Variants in TLX3 observed in about 807,000 individuals in gnomAD.
TLX3 encodes the protein T cell leukemia homeobox 3, also known as T-cell leukemia homeobox protein 3.
A neutral mutation model predicts 19.6 loss-of-function variants in TLX3; 11 were observed. The observed-to-expected ratio is 0.56, with a 90% CI of 0.35 to 0.93. The LOEUF (loss-of-function observed/expected upper bound fraction) is 0.93, where lower values mean the gene tolerates loss of function less well. Ranked by LOEUF, TLX3 falls within the 40% of genes least tolerant of loss-of-function variation. The probability of loss-of-function intolerance (pLI) is 0.01; values close to 1 mark genes in which losing one functional copy is unlikely to be tolerated. For missense variants in TLX3, 375 were observed against 418.6 expected (o/e 0.90, Z 0.91); for synonymous variants, 221 against 188.1 (o/e 1.17, Z -1.43).
Position 171,311,376 on chromosome 5 carries a change from T to A in TLX3, c.666-13T>A, listed in dbSNP as rs1561843165. On this transcript the variant is annotated splice_polypyrimidine_tract_variant and intron_variant, in intron 2 of 2. Coordinates refer to ENST00000296921, the MANE Select transcript of TLX3 (RefSeq NM_021025.4). The surrounding 1 kb of genome is among the most constrained non-coding windows in gnomAD (Gnocchi z 5.1). ...TGCATGACGGTACTGTCCCTCTCCC[T>A]CCCCCGGTGCAGGCGGCAGACGGCG... 3 of 1,528,998 alleles carry A rather than the reference T, an allele frequency of 2.0e-6. No individual in the cohort carries two copies. The highest frequency in any genetic ancestry group is 1.8e-6 in the Non-Finnish European group (2 of 1,135,078). The allele number at this position is 1,528,998 out of a possible 1,614,324, so 94.7% of individuals were successfully genotyped here. A position where few individuals can be genotyped will look rare whatever the true frequency, so the allele number is the denominator to read the frequency against.
chr5:171,309,562 T>A lies in TLX3; in HGVS notation c.197T>A (p.Leu66His). The change falls in exon 1 of 3, where the codon CTC becomes CAC. Residue 66 changes from leucine (L) to histidine (H), a missense_variant. Leu to His is a moderately conservative substitution (Grantham distance 99, BLOSUM62 -3). Coordinates refer to ENST00000296921, the MANE Select transcript of TLX3 (RefSeq NM_021025.4). ...TCTCTGCCCGCCTCCTTTGCGGGCCTCGGCGCGCCCTTCGAGGACGCGGGA... is the reference window on the plus strand; with the variant it reads ...TCTCTGCCCGCCTCCTTTGCGGGCCACGGCGCGCCCTTCGAGGACGCGGGA... ...YPSLPASFAG[L>H]GAPFEDAGSY... is the part of the protein sequence containing the mutation. 1 of 1,584,366 alleles carries A rather than the reference T, an allele frequency of 6.3e-7. No individual in the cohort carries two copies. The highest frequency in any genetic ancestry group is 8.6e-7 in the Non-Finnish European group (1 of 1,166,642).
Position 171,311,845 on chromosome 5 carries a change from A to C in TLX3, c.*246A>C. On this transcript the variant is annotated 3_prime_UTR_variant, in exon 3 of 3. Transcript: ENST00000296921. This position sits in a 1 kb window ranked among gnomAD's most constrained non-coding sequence, Gnocchi z 5.1. ...CGCCCCAGGCCCGGGCCTGACAAGA[A>C]AGCGCCTTACGTTTCTCCGCCCCCC... The C allele has an allele frequency of 2.0e-4, 64 of 314,420 alleles. No individual in the cohort carries two copies. The highest frequency in any genetic ancestry group is 2.1e-4 in the Non-Finnish European group (36 of 173,778). The allele number at this position is 314,420 out of a possible 1,614,324, so 19.5% of individuals were successfully genotyped here. A position where few individuals can be genotyped will look rare whatever the true frequency, so the allele number is the denominator to read the frequency against.
In TLX3 at chr5:171,309,258, G is replaced by C. The variant is rs1421731715; in HGVS notation, c.-108G>C. ...GAGCCTGTCGGGCCCGCGCACTCTT[G>C]GCAAAGTTTCAGTGCGACGAGAGGC... On this transcript the variant is annotated 5_prime_UTR_variant, in exon 1 of 3. Transcript: ENST00000296921. The C allele has an allele frequency of 4.1e-6, 4 of 975,126 alleles. No homozygotes were observed. Among genetic ancestry groups the C allele is most frequent in the African/African-American group, 1.8e-5 (1 of 57,100 alleles). The allele number at this position is 975,126 out of a possible 1,614,324, so 60.4% of individuals were successfully genotyped here.
Position 171,311,352 on chromosome 5 carries a change from G to A in TLX3, c.666-37G>A. 3 of 1,538,440 alleles carry A rather than the reference G, an allele frequency of 2.0e-6. No homozygotes were observed. Among genetic ancestry groups the A allele is most frequent in the Non-Finnish European group, 2.6e-6 (3 of 1,140,970 alleles). ...CGCCGGCGGCCCCGCGGTGCCGGGT[G>A]CATGACGGTACTGTCCCTCTCCCTC... On this transcript the variant is annotated intron_variant, in intron 2 of 2. Transcript: ENST00000296921. The surrounding 1 kb of genome is among the most constrained non-coding windows in gnomAD (Gnocchi z 5.1).
chr5:171,310,236 C>G lies in TLX3; in HGVS notation c.508C>G (p.Arg170Gly), dbSNP rs1317071111. ...NRTPPKRKKP[R>G]TSFSRVQICE... ...GACGCCGCCCAAGCGTAAGAAGCCGCGCACGTCCTTTTCCCGGGTGCAGAT... is the reference window on the plus strand; with the variant it reads ...GACGCCGCCCAAGCGTAAGAAGCCGGGCACGTCCTTTTCCCGGGTGCAGAT... The change falls in exon 2 of 3, where the codon CGC becomes GGC. Residue 170 changes from arginine to glycine, a missense_variant. By Grantham distance (125) the Arg-to-Gly change is moderately radical. Around this residue, in one of 3 missense-constraint regions of TLX3, gnomAD observed 74 missense variants for 138.6 expected, o/e 0.53. Transcript: ENST00000296921. 6.4e-7 allele frequency: 1 copy of G among 1,561,076 alleles called. No homozygotes were observed. The highest frequency in any genetic ancestry group is 8.7e-7 in the Non-Finnish European group (1 of 1,152,826).
rs759768960 is a variant in TLX3, at chr5:171,309,468, C to A, written c.103C>A (p.Pro35Thr). 2.1e-5 allele frequency: 33 copies of A among 1,595,844 alleles called. No homozygotes were observed. Among genetic ancestry groups the A allele is most frequent in the Non-Finnish European group, 2.5e-5 (29 of 1,172,508 alleles). The change falls in exon 1 of 3, where the codon CCG becomes ACG. Residue 35 changes from proline (P) to threonine (T), a missense_variant. Pro to Thr is a conservative substitution (Grantham distance 38). Transcript: ENST00000296921. ...NSPDQDSAPA[P>T]RGPDGASYLG... is the part of the protein sequence containing the mutation. ...CCCGGACCAGGACAGCGCACCCGCCCCGCGGGGCCCCGACGGCGCCAGCTA... is the reference window on the plus strand; with the variant it reads ...CCCGGACCAGGACAGCGCACCCGCCACGCGGGGCCCCGACGGCGCCAGCTA...
rs766623983 is a variant in TLX3, at chr5:171,309,624, G to A, written c.259G>A (p.Val87Met). The A allele has an allele frequency of 4.4e-6, 7 of 1,607,628 alleles. No individual in the cohort carries two copies. The highest frequency in any genetic ancestry group is 1.7e-5 in the Admixed American group (1 of 59,620). ...SVNLSLAPAG[V>M]IRVPAHRPLP... ...GAACCTGAGCCTAGCGCCCGCAGGCGTGATCCGGGTGCCGGCGCACAGGCC... is the reference window on the plus strand; with the variant it reads ...GAACCTGAGCCTAGCGCCCGCAGGCATGATCCGGGTGCCGGCGCACAGGCC... The change falls in exon 1 of 3, where the codon GTG (valine) becomes ATG (methionine). Residue 87 changes from valine to methionine, a missense_variant. Around this residue, in one of 3 missense-constraint regions of TLX3, gnomAD observed 239 missense variants for 217.0 expected, o/e 1.10. Coordinates refer to ENST00000296921, the MANE Select transcript of TLX3 (RefSeq NM_021025.4).
Position 171,311,560 on chromosome 5 carries a change from G to C in TLX3, c.837G>C (p.Glu279Asp), listed in dbSNP as rs1037068448. 1 of 1,612,942 alleles carries C rather than the reference G, an allele frequency of 6.2e-7. No homozygotes were observed. Among genetic ancestry groups the C allele is most frequent in the Non-Finnish European group, 8.5e-7 (1 of 1,179,592 alleles). ...TGCAGAATCTGCAGCCCTGGGAGGA[G>C]GATAGTTCCAAGGTTCCCGCTGTCA... The part of the protein sequence containing the change: ...FALQNLQPWE[E>D]DSSKVPAVTS... Residue 279 changes from glutamate (E) to aspartate (D), a missense_variant, in exon 3 of 3, where the codon GAG becomes GAC. Transcript: ENST00000296921. The surrounding 1 kb of genome is among the most constrained non-coding windows in gnomAD (Gnocchi z 5.1).
In TLX3 at chr5:171,309,315, G is replaced by A. The variant is rs1027380307; in HGVS notation, c.-51G>A. 1.1e-5 allele frequency: 16 copies of A among 1,432,358 alleles called. No homozygotes were observed. The African/African-American group carries it at 1.5e-4, about 13-fold the overall frequency. The allele number at this position is 1,432,358 out of a possible 1,614,324, so 88.7% of individuals were successfully genotyped here. A position where few individuals can be genotyped will look rare whatever the true frequency, so the allele number is the denominator to read the frequency against. On this transcript the variant is annotated 5_prime_UTR_variant, in exon 1 of 3. Coordinates refer to ENST00000296921, the MANE Select transcript of TLX3 (RefSeq NM_021025.4). Reference sequence around the variant, plus strand: ...CGCTCCATGGCCGCGCCGTAACGGGGACCCAGCCGCCTCCCCGCCCAGCCC... The same window carrying A: ...CGCTCCATGGCCGCGCCGTAACGGGAACCCAGCCGCCTCCCCGCCCAGCCC...
At chr5:171,310,461 C>G in intron 2 of TLX3, 68 bp downstream of exon 2, 1 of 1,572,584 alleles carries the variant, frequency 6.4e-7, no homozygotes, top group East Asian at 2.3e-5. Flanking sequence ...GCCGCAGCCT[C>G]GCACTAGCCC....
In TLX3 at chr5:171,309,714, G is replaced by T; in HGVS notation, c.349G>T (p.Val117Phe). 1.9e-6 allele frequency: 3 copies of T among 1,611,416 alleles called. No individual in the cohort carries two copies. The highest frequency in any genetic ancestry group is 2.5e-6 in the Non-Finnish European group (3 of 1,179,354). ...ALPAMPSVPTVSSLGGLNFPW... is the reference protein window; with the variant it reads ...ALPAMPSVPTFSSLGGLNFPW... ...ACCCGCCATGCCCTCCGTGCCCACG[G>T]TCTCCAGCCTTGGCGGTCTCAATTT... Residue 117 changes from valine (V) to phenylalanine (F), a missense_variant, in exon 1 of 3, where the codon GTC becomes TTC. By Grantham distance (50) the Val-to-Phe change is conservative. Coordinates refer to ENST00000296921, the MANE Select transcript of TLX3 (RefSeq NM_021025.4).
Position 171,311,257 on chromosome 5 carries a change from G to A in TLX3, c.666-132G>A. The A allele has an allele frequency of 1.4e-6, 1 of 702,234 alleles. No individual in the cohort carries two copies. The highest frequency in any genetic ancestry group is 1.9e-5 in the South Asian group (1 of 51,860). 43.5% of individuals were successfully genotyped at this position (702,234 alleles called of 1,614,324 possible). Reference sequence around the variant, plus strand: ...TAAGAGCCTCGGGCGTAAAGCGCGGGCTGGGAGGCAGACGGGTTCTGCGCC... The same window carrying A: ...TAAGAGCCTCGGGCGTAAAGCGCGGACTGGGAGGCAGACGGGTTCTGCGCC... On this transcript the variant is annotated intron_variant, in intron 2 of 2. Transcript: ENST00000296921. This position sits in a 1 kb window ranked among gnomAD's most constrained non-coding sequence, Gnocchi z 5.1.
At position 171,309,535 on chromosome 5, in the gene TLX3, C is replaced by G. The variant is rs765867759; in HGVS notation, c.170C>G (p.Pro57Arg). ...GGGGGCCGTCCGGGCGCCACATACC[C>G]GTCTCTGCCCGCCTCCTTTGCGGGC... ...PPGGRPGATYPSLPASFAGLG... is the reference protein window; with the variant it reads ...PPGGRPGATYRSLPASFAGLG... Residue 57 changes from proline to arginine, a missense_variant, in exon 1 of 3, where the codon CCG becomes CGG. This residue lies in a region of TLX3 where 239 missense variants were observed against 217.0 expected (regional missense o/e 1.10). Transcript: ENST00000296921. 1.3e-5 allele frequency: 21 copies of G among 1,571,554 alleles called. No individual in the cohort carries two copies. The highest frequency in any genetic ancestry group is 1.7e-4 in the Middle Eastern group (1 of 5,978).
At position 171,309,362 on chromosome 5, in the gene TLX3, C is replaced by A; in HGVS notation, c.-4C>A. ...GCCCAGCCCAGCCCTTCCGCCCGCC[C>A]AGGATGGAGGCGCCCGCCAGCGCGC... On this transcript the variant is annotated 5_prime_UTR_variant, in exon 1 of 3. Coordinates refer to ENST00000296921, the MANE Select transcript of TLX3 (RefSeq NM_021025.4). 1 of 1,586,876 alleles carries A rather than the reference C, an allele frequency of 6.3e-7. No homozygotes were observed. The highest frequency in any genetic ancestry group is 8.5e-7 in the Non-Finnish European group (1 of 1,170,138).
Position 171,311,594 on chromosome 5 carries a change from G to T in TLX3, c.871G>T (p.Val291Leu). The T allele has an allele frequency of 1.2e-6, 2 of 1,607,998 alleles. No individual in the cohort carries two copies. The highest frequency in any genetic ancestry group is 1.7e-6 in the Non-Finnish European group (2 of 1,177,488). The change falls in exon 3 of 3, where the codon GTG becomes TTG. Residue 291 changes from valine (V) to leucine (L), a missense_variant. Coordinates refer to ENST00000296921, the MANE Select transcript of TLX3 (RefSeq NM_021025.4). This position sits in a 1 kb window ranked among gnomAD's most constrained non-coding sequence, Gnocchi z 5.1. ...SSKVPAVTSLV is the reference protein window; with the variant it reads ...SSKVPAVTSLL ...CAAGGTTCCCGCTGTCACCTCCCTG[G>T]TGTGAGCCCACCAGCGCGCACCGTC...
chr5:171,310,361 G>A lies in TLX3; in HGVS notation c.633G>A (p.Lys211=). The A allele has an allele frequency of 1.9e-6, 3 of 1,613,838 alleles. No individual in the cohort carries two copies. The highest frequency in any genetic ancestry group is 2.7e-5 in the African/African-American group (2 of 75,062). Residue 211 remains lysine (K), a synonymous_variant, in exon 2 of 3, where the codon AAG becomes AAA. Coordinates refer to ENST00000296921, the MANE Select transcript of TLX3 (RefSeq NM_021025.4). ...KSLKMTDAQV[K]TWFQNRRTKW... ...TCAAAATGACGGACGCGCAGGTCAA[G>A]ACCTGGTTCCAAAACCGGAGGACCA...
At chr5:171,310,424 A>G in intron 2 of TLX3, 31 bp downstream of exon 2, 1 of 1,599,960 alleles carries the variant, frequency 6.3e-7, no homozygotes, top group South Asian at 1.1e-5. Context: ...CCCACCTTAC[A>G]CCTGCCCTTC....
chr5:171,311,313 G>A lies in TLX3; in HGVS notation c.666-76G>A. The A allele has an allele frequency of 2.2e-6, 3 of 1,382,092 alleles. No individual in the cohort carries two copies. Among genetic ancestry groups the A allele is most frequent in the Non-Finnish European group, 1.9e-6 (2 of 1,030,126 alleles). 85.6% of individuals were successfully genotyped at this position (1,382,092 alleles called of 1,614,324 possible). On this transcript the variant is annotated intron_variant, in intron 2 of 2. Transcript: ENST00000296921. This position sits in a 1 kb window ranked among gnomAD's most constrained non-coding sequence, Gnocchi z 5.1. ...GCTCCCGGATGGCCTCGGCTCCCGG[G>A]AGGGCCGGGGCCCCGCCGGCGGCCC...
At chr5:171,310,971 G>A (rs748517308) in intron 2 of TLX3, among the ~76,000 whole-genome samples, 3 of 152,078 alleles carry the variant, frequency 2.0e-5, no homozygotes, top group African/African-American at 7.2e-5. Flanking sequence ...GGGCGAACTG[G>A]ATGAGACTGA....
Sources: gnomAD v4.1 joint callset for allele counts (sites outside exome capture counted in the v4.1 genomes callset) on GRCh38, gnomAD v4.1.1 for gene constraint, gnomAD v4.1.1 regional missense constraint, Gnocchi (gnomAD v3.1) non-coding constraint, MANE v1.5 for transcripts, NCBI Gene and HGNC (gene_info 2026-07-23, HGNC 2026-07-21) for gene names.